DHX9: variants seen among roughly 807,000 people sequenced by gnomAD.
DHX9 encodes the protein DExH-box helicase 9.
Under a neutral mutation model 148.7 loss-of-function variants are expected in DHX9, and 27 were observed. That is an observed-to-expected ratio of 0.18 (90% confidence interval 0.13 to 0.25). DHX9 has a LOEUF of 0.25. DHX9 is among the 10% of genes least tolerant of loss of function. The pLI is 1.00. For missense variants in DHX9, 796 were observed against 1,559.6 expected, an observed-to-expected ratio of 0.51 and a Z score of 8.25; for synonymous variants, 529 against 516.6, an observed-to-expected ratio of 1.02 and a Z score of -0.33.
intron 18 of DHX9, 96 bp downstream of exon 18, chr1:182,876,637 C>A: frequency 2.6e-6 from 3 of 1,173,488 alleles, no homozygotes; most frequent in Admixed American, 2.1e-5. Flanking sequence ...AATTGTAACC[C>A]ATCTAAATTG....
intron 27 of DHX9, among the ~76,000 whole-genome samples, chr1:182,886,092 C>A (rs758632149): frequency 5.3e-5 from 8 of 151,806 alleles, no homozygotes; most frequent in Non-Finnish European, 1.2e-4. Flanking sequence ...GTGGTAGAAT[C>A]AATAGGAATT....
In DHX9 at chr1:182,887,497, G is replaced by C; in HGVS notation, c.*63G>C. 1.4e-6 allele frequency: 2 copies of C among 1,424,028 alleles called. No homozygotes were observed. The highest frequency in any genetic ancestry group is 1.9e-6 in the Non-Finnish European group (2 of 1,045,356). 88.2% of individuals were successfully genotyped at this position (1,424,028 alleles called of 1,614,324 possible). A position where few individuals can be genotyped will look rare whatever the true frequency, so the allele number is the denominator to read the frequency against. ...GAAAAAAAGGCATGCTATGTGTTAC[G>C]TGTTTTTTCCAGTATGTTTATTTGC... On this transcript the variant is annotated 3_prime_UTR_variant, in exon 28 of 28. Coordinates refer to ENST00000367549, the MANE Select transcript of DHX9 (RefSeq NM_001357.5).
intron 3 of DHX9, among the ~76,000 whole-genome samples, chr1:182,847,665 A>G (rs1214998154): frequency 1.3e-5 from 2 of 152,066 alleles, no homozygotes; most frequent in Non-Finnish European, 2.9e-5. Flanking sequence ...CTGAACTCTA[A>G]TTCTGATTCT....
At chr1:182,841,836 C>T (rs1025197524) in intron 1 of DHX9, among the ~76,000 whole-genome samples, 1 of 152,152 alleles carries the variant, frequency 6.6e-6, no homozygotes, top group Non-Finnish European at 1.5e-5. Context: ...TTCAAGAAAA[C>T]TTTAATATCC....
intron 1 of DHX9, among the ~76,000 whole-genome samples, chr1:182,840,917 TTC>T (rs886132699): frequency 3.3e-5 from 5 of 152,172 alleles, no homozygotes; most frequent in African/African-American, 1.2e-4. Flanking sequence ...AAATTTAAAA[TTC>T]TGTTTTGACT....
At chr1:182,867,628 C>A (rs1264584445) in intron 14 of DHX9, among the ~76,000 whole-genome samples, 1 of 152,146 alleles carries the variant, frequency 6.6e-6, no homozygotes, top group Admixed American at 6.5e-5. Context: ...GTGTCGAACT[C>A]CTGACCTCAG....
rs1489254059 is a variant in DHX9 at position 182,871,081 on chromosome 1, A to G, written c.1558-1256A>G. Reference sequence around the variant, plus strand: ...GATCAATATATTATTCTATATTAAAATTAAGGTTATTTGTTTAATCAAAAG... The same window carrying G: ...GATCAATATATTATTCTATATTAAAGTTAAGGTTATTTGTTTAATCAAAAG... On this transcript the variant is annotated intron_variant, in intron 14 of 27. Coordinates refer to ENST00000367549, the MANE Select transcript of DHX9 (RefSeq NM_001357.5). Among the ~76,000 whole-genome samples, 3 of 152,330 alleles carry G rather than the reference A, an allele frequency of 2.0e-5. No homozygotes were observed. The East Asian group carries it at 5.8e-4, about 29-fold the overall frequency.
intron 12 of DHX9, among the ~76,000 whole-genome samples, chr1:182,862,475 T>C (rs1432876031): frequency 6.6e-6 from 1 of 152,236 alleles, no homozygotes; most frequent in East Asian, 1.9e-4. Context: ...AATTGTAGGA[T>C]GTAAATCAAG....
chr1:182,871,510 A>G (rs1410484415), intron 14 of DHX9, among the ~76,000 whole-genome samples: 1 of 152,248 alleles, frequency 6.6e-6, no homozygotes, highest in Non-Finnish European at 1.5e-5. Context: ...TAGCTTGGCA[A>G]TTCCATACCC....
intron 16 of DHX9, among the ~76,000 whole-genome samples, chr1:182,875,801 C>T (rs999438290): frequency 2.6e-5 from 4 of 152,064 alleles, no homozygotes; most frequent in African/African-American, 9.7e-5. Context: ...AGTTTTGAGT[C>T]AAATTTAAGT....
chr1:182,858,790 C>T lies in DHX9; in HGVS notation c.958C>T (p.Pro320Ser). The T allele has an allele frequency of 6.2e-7, 1 of 1,614,160 alleles. No individual in the cohort carries two copies. The highest frequency in any genetic ancestry group is 8.5e-7 in the Non-Finnish European group (1 of 1,180,030). The change falls in exon 10 of 28, where the codon CCA becomes TCA. Residue 320 changes from proline (P) to serine (S), a missense_variant. By Grantham distance (74) the Pro-to-Ser change is moderately conservative. Coordinates refer to ENST00000367549, the MANE Select transcript of DHX9 (RefSeq NM_001357.5). ...CATTGGCAAATTGGCTCAGTTCGAA[C>T]CATCTCAGCGACAAAACCAAGTGGG... ...LNIGKLAQFE[P>S]SQRQNQVGVV...
At chr1:182,866,320 T>C (rs1648295711) in intron 12 of DHX9, 124 bp from the exon 13 acceptor site, 1 of 966,244 alleles carries the variant, frequency 1.0e-6, no homozygotes, top group African/African-American at 1.7e-5. Context: ...TTTGTACATT[T>C]ATTGTTTCTG....
chr1:182,855,862 C>A, intron 6 of DHX9: 1 of 481,022 alleles, frequency 2.1e-6, no homozygotes, highest in Non-Finnish European at 2.7e-6. Context: ...GGCAGTTTTT[C>A]CCTTGCTAAA....
intron 14 of DHX9, among the ~76,000 whole-genome samples, chr1:182,869,377 A>G (rs984603710): frequency 2.0e-5 from 3 of 151,808 alleles, no homozygotes; most frequent in African/African-American, 4.8e-5. Context: ...TAGTCCGGAT[A>G]GGTCTTGTCC....
intron 11 of DHX9, among the ~76,000 whole-genome samples, chr1:182,859,616 G>T (rs1471859784): frequency 2.6e-5 from 4 of 151,936 alleles, no homozygotes; most frequent in Admixed American, 2.0e-4. Context: ...TGGTTTTTTT[G>T]TTTGTTTTTT....
intron 19 of DHX9, 105 bp downstream of exon 19, chr1:182,877,008 T>A: frequency 1.4e-6 from 1 of 714,318 alleles, no homozygotes; most frequent in Non-Finnish European, 2.4e-6. Flanking sequence ...CCTGTGTTCT[T>A]AAATCTCCAA....
At chr1:182,880,433 A>G (rs117476677) in intron 21 of DHX9, 64 bp from the exon 22 acceptor site, 1 of 1,081,984 alleles carries the variant, frequency 9.2e-7, no homozygotes, top group East Asian at 2.4e-5. Context: ...ATTTAGAGTA[A>G]TGTTTTGTCT....
rs3762451 is a variant in DHX9, at chr1:182,849,539, G to A, written c.253-2694G>A. 1.8e-3 allele frequency among the ~76,000 whole-genome samples: 274 copies of A among 152,304 alleles called. 6 individuals are homozygous for A. The East Asian group carries it at 0.048, about 26-fold the overall frequency. ...AGATGTTTGAACTTGAAGGAGGTGTGTTGATGGCGTCTAGTGGGTGGAAGC... is the reference window on the plus strand; with the variant it reads ...AGATGTTTGAACTTGAAGGAGGTGTATTGATGGCGTCTAGTGGGTGGAAGC... On this transcript the variant is annotated intron_variant, in intron 3 of 27. Transcript: ENST00000367549.
chr1:182,867,901 G>A (rs1368069164), intron 14 of DHX9, among the ~76,000 whole-genome samples: 3 of 152,224 alleles, frequency 2.0e-5, no homozygotes, highest in African/African-American at 7.2e-5. Context: ...AAGCTAAGTA[G>A]TATAGTGACT....
Sources: gnomAD v4.1 joint callset for allele counts (sites outside exome capture counted in the v4.1 genomes callset) on GRCh38, gnomAD v4.1.1 for gene constraint, MANE v1.5 for transcripts, NCBI Gene and HGNC (gene_info 2026-07-23, HGNC 2026-07-21) for gene names.